The following FUT8 variants were observed in gnomAD, a reference collection of about 807,000 sequenced individuals.
FUT8 encodes the protein alpha-(1,6)-fucosyltransferase.
FUT8 carries 29 observed loss-of-function variants against 71.3 expected under a neutral mutation model. The ratio of observed to expected loss-of-function variants is 0.41; its 90% CI spans 0.30 to 0.55. The LOEUF (loss-of-function observed/expected upper bound fraction) is 0.55, where lower values mean the gene tolerates loss of function less well. Among genes scored for constraint, FUT8 ranks in the 20% least tolerant of loss-of-function variants. The pLI is 0.34. For synonymous variants in FUT8, 254 were observed against 239.3 expected (o/e 1.06, Z -0.57); for missense variants, 544 against 702.1 (o/e 0.77, Z 2.55).
chr14:65,644,455 G>T (rs1168738879), intron 6 of FUT8, among the ~76,000 whole-genome samples: 1 of 151,736 alleles, frequency 6.6e-6, no homozygotes, highest in African/African-American at 2.4e-5. Flanking sequence ...CGCCTCCCGG[G>T]TTCACGCCAT....
chr14:65,701,591 A>G (rs191816564), intron 7 of FUT8, among the ~76,000 whole-genome samples: 1 of 152,330 alleles, frequency 6.6e-6, no homozygotes, highest in East Asian at 1.9e-4. Flanking sequence ...TGTCATACAA[A>G]TAAATTAAAT....
chr14:65,488,945 C>T (rs190613120), intron 2 of FUT8, among the ~76,000 whole-genome samples: 9 of 152,180 alleles, frequency 5.9e-5, no homozygotes, highest in Non-Finnish European at 8.8e-5. Flanking sequence ...AAAAAACAAC[C>T]TGAAGAATAA....
At chr14:65,599,997 A>T (rs1175286229) in intron 3 of FUT8, among the ~76,000 whole-genome samples, 1 of 152,218 alleles carries the variant, frequency 6.6e-6, no homozygotes, top group Non-Finnish European at 1.5e-5. Context: ...TACTGTTGAG[A>T]GAAATGTCAT....
intron 2 of FUT8, among the ~76,000 whole-genome samples, chr14:65,474,441 G>GGAAAAAAAAAAAAAAAAAAAAAAAAAA: frequency 2.5e-5 from 1 of 39,690 alleles, no homozygotes; most frequent in East Asian, 1.7e-3. Context: ...TGTCTCTACT[G>GGAAAAAAAAAAAAAAAAAAAAAAAAAA]AAAAAAAAAA....
rs75984270 is a variant in FUT8 at position 65,510,838 on chromosome 14, G to A, written c.-227-50499G>A. Reference sequence around the variant, plus strand: ...CCTTAGTCTGGCTTAAGGTTTGTCCGTTTTAACTTTTCCAGCAACCAACTT... The same window carrying A: ...CCTTAGTCTGGCTTAAGGTTTGTCCATTTTAACTTTTCCAGCAACCAACTT... On this transcript the variant is annotated intron_variant, in intron 2 of 10. Coordinates refer to ENST00000673929, the MANE Select transcript of FUT8 (RefSeq NM_001371533.1). 4.0e-3 allele frequency among the ~76,000 whole-genome samples: 601 copies of A among 151,868 alleles called. 4 individuals carry two copies. The highest frequency in any genetic ancestry group is 0.013 in the African/African-American group (541 of 41,480).
chr14:65,555,727 G>T (rs1885552199), intron 2 of FUT8, among the ~76,000 whole-genome samples: 1 of 152,052 alleles, frequency 6.6e-6, no homozygotes, highest in African/African-American at 2.4e-5. Context: ...TTTGACCTTT[G>T]CCCAATATCT....
chr14:65,558,781 G>A (rs1300119961), intron 2 of FUT8, among the ~76,000 whole-genome samples: 1 of 152,022 alleles, frequency 6.6e-6, no homozygotes, highest in African/African-American at 2.4e-5. Context: ...GCTTAACTTG[G>A]TTTTCTTGAC....
At chr14:65,654,370 C>T (rs531913723) in intron 6 of FUT8, among the ~76,000 whole-genome samples, 1 of 152,150 alleles carries the variant, frequency 6.6e-6, no homozygotes, top group Non-Finnish European at 1.5e-5. Context: ...AGGCGGATCA[C>T]CTGAGGTCAG....
At chr14:65,579,412 C>T (rs539965619) in intron 3 of FUT8, among the ~76,000 whole-genome samples, 1 of 152,254 alleles carries the variant, frequency 6.6e-6, no homozygotes, top group African/African-American at 2.4e-5. Context: ...CCACTTGAAT[C>T]ATTACATCTT....
chr14:65,588,743 CCA>C (rs1044021778), intron 3 of FUT8, among the ~76,000 whole-genome samples: 1 of 152,128 alleles, frequency 6.6e-6, no homozygotes, highest in Admixed American at 6.6e-5. Flanking sequence ...AAGAGAAAGA[CCA>C]CATTCACCTA....
At position 65,550,811 on chromosome 14, in the gene FUT8, C is replaced by G. The variant is rs1477154769; in HGVS notation, c.-227-10526C>G. On this transcript the variant is annotated intron_variant, in intron 2 of 10. Transcript: ENST00000673929. The surrounding 1 kb of genome is among the most constrained non-coding windows in gnomAD (Gnocchi z 4.5). ...GTTACATTTTCCTTCTTGTTGGCAT[C>G]ATAGTATAAAATACATATTTTTGGC... Among the ~76,000 whole-genome samples the G allele has an allele frequency of 6.6e-6, 1 of 152,266 alleles. No homozygotes were observed. Among genetic ancestry groups the G allele is most frequent in the East Asian group, 1.9e-4 (1 of 5,186 alleles).
At chr14:65,626,898 G>A (rs1401330312) in intron 5 of FUT8, among the ~76,000 whole-genome samples, 1 of 152,120 alleles carries the variant, frequency 6.6e-6, no homozygotes, top group African/African-American at 2.4e-5. Flanking sequence ...TTAATACAAA[G>A]TGTTGAGAAG....
chr14:65,602,115 A>T (rs1232038682), intron 3 of FUT8, among the ~76,000 whole-genome samples: 1 of 151,252 alleles, frequency 6.6e-6, no homozygotes, highest in Admixed American at 6.6e-5. Context: ...GTAGTGTTTT[A>T]TCCCTCACCT....
At chr14:65,490,261 A>G (rs555984774) in intron 2 of FUT8, among the ~76,000 whole-genome samples, 5 of 152,088 alleles carry the variant, frequency 3.3e-5, no homozygotes, top group African/African-American at 4.8e-5. Context: ...ACTGGAGTCT[A>G]TGTATTTAAC....
intron 2 of FUT8, among the ~76,000 whole-genome samples, chr14:65,487,564 CAAAAAAA>C (rs745645710): frequency 1.6e-5 from 1 of 64,456 alleles, no homozygotes; most frequent in Admixed American, 1.7e-4. Context: ...GACTCCGTCT[CAAAAAAA>C]AAAAAAAAAA....
At chr14:65,684,802 G>C (rs1250364080) in intron 7 of FUT8, among the ~76,000 whole-genome samples, 1 of 152,090 alleles carries the variant, frequency 6.6e-6, no homozygotes, top group East Asian at 1.9e-4. Context: ...CACCATGATT[G>C]TAAGTTTCCT....
At chr14:65,608,608 A>G (rs535483746) in intron 3 of FUT8, among the ~76,000 whole-genome samples, 15 of 152,000 alleles carry the variant, frequency 9.9e-5, no homozygotes, top group Non-Finnish European at 2.1e-4. Flanking sequence ...ATTTTCATCA[A>G]GTTTTTATTT....
intron 6 of FUT8, among the ~76,000 whole-genome samples, chr14:65,632,250 G>A (rs1425142588): frequency 1.3e-5 from 2 of 152,212 alleles, no homozygotes; most frequent in Admixed American, 6.5e-5. Flanking sequence ...CCAGTAGTGG[G>A]ATTGCTGGAT....
chr14:65,710,340 T>A (rs1894752160), intron 7 of FUT8, among the ~76,000 whole-genome samples: 1 of 152,176 alleles, frequency 6.6e-6, no homozygotes, highest in Non-Finnish European at 1.5e-5. Flanking sequence ...TTGTGAGATT[T>A]CTTTTAGATT....
Sources: allele counts gnomAD v4.1 joint callset (sites outside exome capture counted in the v4.1 genomes callset), GRCh38; gene constraint gnomAD v4.1.1; non-coding constraint Gnocchi (gnomAD v3.1); transcripts MANE v1.5; gene names NCBI Gene and HGNC (gene_info 2026-07-23, HGNC 2026-07-21).